The following PFKFB3 variants were observed in gnomAD, a reference collection of about 807,000 sequenced individuals.
PFKFB3 encodes 6-phosphofructo-2-kinase/fructose-2,6-biphosphatase 3.
Under a neutral mutation model 68.0 loss-of-function variants are expected in PFKFB3, and 33 were observed. The observed-to-expected ratio is 0.49, with a 90% CI of 0.37 to 0.65. The LOEUF is 0.65. Among genes scored for constraint, PFKFB3 ranks in the 30% least tolerant of loss-of-function variants. The pLI is 0.00. For missense variants in PFKFB3, 586 were observed against 712.2 expected (o/e 0.82, Z 2.02); for synonymous variants, 315 against 288.2 (o/e 1.09, Z -0.94).
chr10:6,170,938 TG>T (rs1309255964), intron 1 of PFKFB3, among the ~76,000 whole-genome samples: 1 of 152,152 alleles, frequency 6.6e-6, no homozygotes, highest in African/African-American at 2.4e-5. Flanking sequence ...ATCCAGCAGC[TG>T]GGAAGACAGG....
rs140148642 is a variant in PFKFB3 at position 6,159,821 on chromosome 10, G to T, written c.16+14808G>T. Reference sequence around the variant, plus strand: ...GTCTCGGATTGTCACCTAGGCTGGAGTGCAGTGACTCACTGCAGCTTTGAC... The same window carrying T: ...GTCTCGGATTGTCACCTAGGCTGGATTGCAGTGACTCACTGCAGCTTTGAC... On this transcript the variant is annotated intron_variant, in intron 1 of 14. Transcript: ENST00000379789. Among the ~76,000 whole-genome samples the T allele has an allele frequency of 7.5e-3, 1,137 of 152,010 alleles. 12 individuals carry two copies. The highest frequency in any genetic ancestry group is 0.025 in the African/African-American group (1,051 of 41,484).
the PFKFB3 span, among the ~76,000 whole-genome samples, chr10:6,319,704 G>A: frequency 0.7 from 106,650 of 151,430 alleles, 37,590 homozygotes; most frequent in Middle Eastern, 0.8. Flanking sequence ...AATCCCCTAA[G>A]TCTATAAAAA....
intron 2 of PFKFB3, 121 bp downstream of exon 2, chr10:6,213,869 A>G (rs1185883595): frequency 9.8e-7 from 1 of 1,023,874 alleles, no homozygotes; most frequent in Non-Finnish European, 1.4e-6. Flanking sequence ...GGGGAGTCTG[A>G]TCCTGCCTCC....
At chr10:6,213,477 A>C (rs1364464163) in intron 1 of PFKFB3, 146 bp from the exon 2 acceptor site, 2 of 867,032 alleles carry the variant, frequency 2.3e-6, no homozygotes, top group Non-Finnish European at 3.6e-6. Context: ...CATGGTGGCC[A>C]CCGTGCTCCC....
intron 14 of PFKFB3, among the ~76,000 whole-genome samples, chr10:6,251,967 C>CA (rs1254596014): frequency 6.6e-6 from 1 of 151,378 alleles, no homozygotes; most frequent in Admixed American, 6.6e-5. Context: ...GACTCTGTCT[C>CA]AAAAAAACAA....
At chr10:6,260,518 A>G in the PFKFB3 span, among the ~76,000 whole-genome samples, 1 of 151,700 alleles carries the variant, frequency 6.6e-6, no homozygotes, top group East Asian at 1.9e-4. Flanking sequence ...AGAAGTAACC[A>G]CCATCCTGAT....
intron 2 of PFKFB3, 22 bp downstream of exon 2, chr10:6,213,770 G>A (rs1357845599): frequency 1.7e-5 from 27 of 1,608,016 alleles, no homozygotes; most frequent in East Asian, 2.2e-5. Flanking sequence ...TCTCGAGGCC[G>A]GACCCCTGCT....
At chr10:6,299,910 G>A in the PFKFB3 span, among the ~76,000 whole-genome samples, 12 of 143,624 alleles carry the variant, frequency 8.4e-5, no homozygotes, top group South Asian at 1.8e-3. Context: ...TTAAGGCGTC[G>A]ATTTGGACTT....
At chr10:6,227,445 C>T (rs1845432676) in intron 14 of PFKFB3, among the ~76,000 whole-genome samples, 1 of 152,202 alleles carries the variant, frequency 6.6e-6, no homozygotes, top group Admixed American at 6.5e-5. Flanking sequence ...CCGAGACTTC[C>T]TTAGACCTCA....
At chr10:6,299,439 C>T in the PFKFB3 span, among the ~76,000 whole-genome samples, 5,553 of 152,212 alleles carry the variant, frequency 0.036, 318 homozygotes, top group African/African-American at 0.12. Flanking sequence ...CCTGCGTTGT[C>T]CTAACGTGCC....
At chr10:6,284,693 C>T in the PFKFB3 span, among the ~76,000 whole-genome samples, 1 of 152,184 alleles carries the variant, frequency 6.6e-6, no homozygotes, top group African/African-American at 2.4e-5. Context: ...ATTCCCAGAA[C>T]TTGGAAACAA....
chr10:6,275,155 G>A, the PFKFB3 span, among the ~76,000 whole-genome samples: 1 of 152,158 alleles, frequency 6.6e-6, no homozygotes, highest in Non-Finnish European at 1.5e-5. The surrounding 1 kb of genome is among the most constrained non-coding windows in gnomAD (Gnocchi z 4.9). Context: ...GTGACCCTTC[G>A]GCACTTGGGG....
At chr10:6,281,457 A>G in the PFKFB3 span, among the ~76,000 whole-genome samples, 1 of 152,008 alleles carries the variant, frequency 6.6e-6, no homozygotes, top group Non-Finnish European at 1.5e-5. Context: ...ATGCCCAGCT[A>G]AAAATTTGGC....
chr10:6,163,980 A>G (rs1438676698), intron 1 of PFKFB3: 1 of 152,308 alleles, frequency 6.6e-6, no homozygotes, highest in Non-Finnish European at 1.5e-5. Flanking sequence ...GAGCGGCTGT[A>G]AATAATACCC....
rs1315504212 is a variant in PFKFB3 at position 6,234,168 on chromosome 10, G to C, written c.*1226G>C. 6.6e-6 allele frequency: 1 copy of C among 152,444 alleles called. No homozygotes were observed. The highest frequency in any genetic ancestry group is 1.5e-5 in the Non-Finnish European group (1 of 68,110). The allele number at this position is 152,444 out of a possible 1,614,324, so 9.4% of individuals were successfully genotyped here. On this transcript the variant is annotated 3_prime_UTR_variant, in exon 15 of 15. Transcript: ENST00000379775. The stretch of plus-strand genomic sequence containing the variant: ...AACCCTGGGGTAGGTGGGACGGGGG[G>C]TCTCGTGCCCAGATGAAACCATTTG...
the PFKFB3 span, among the ~76,000 whole-genome samples, chr10:6,306,119 A>G: frequency 6.6e-6 from 1 of 152,160 alleles, no homozygotes; most frequent in Non-Finnish European, 1.5e-5. Flanking sequence ...TGGCAGCCTC[A>G]AACTCCTGGG....
chr10:6,227,343 C>T (rs1276317964), intron 14 of PFKFB3, among the ~76,000 whole-genome samples: 6 of 152,174 alleles, frequency 3.9e-5, no homozygotes, highest in Non-Finnish European at 8.8e-5. Flanking sequence ...ACAAATCAGC[C>T]CAGTGCAGCT....
At chr10:6,289,597 G>T in the PFKFB3 span, among the ~76,000 whole-genome samples, 1 of 150,524 alleles carries the variant, frequency 6.6e-6, no homozygotes, top group Non-Finnish European at 1.5e-5. Context: ...ATGCTGTTTT[G>T]GTTACTGTAG....
chr10:6,291,958 T>G, the PFKFB3 span, among the ~76,000 whole-genome samples: 1 of 146,076 alleles, frequency 6.8e-6, no homozygotes, highest in African/African-American at 2.6e-5. Flanking sequence ...TTTTTTTTTT[T>G]TTTTTTTTTT....
Sources: allele counts gnomAD v4.1 joint callset (sites outside exome capture counted in the v4.1 genomes callset), GRCh38; gene constraint gnomAD v4.1.1; non-coding constraint Gnocchi (gnomAD v3.1); transcripts MANE v1.5; gene names NCBI Gene and HGNC (gene_info 2026-07-23, HGNC 2026-07-21).